Variants in KDM4B observed in about 807,000 individuals in gnomAD.
KDM4B encodes the protein lysine-specific demethylase 4B.
A neutral mutation model predicts 125.2 loss-of-function variants in KDM4B; 32 were observed. That is an observed-to-expected ratio of 0.26 (90% CI 0.19 to 0.34). The LOEUF is 0.34. KDM4B is among the 10% of genes least tolerant of loss of function. The pLI, the probability that KDM4B is intolerant of heterozygous loss-of-function variation, is 1.00. For missense variants in KDM4B, 1,190 were observed against 1,577.7 expected (o/e 0.75, Z 4.16); for synonymous variants, 721 against 677.9 (o/e 1.06, Z -0.99).
At chr19:5,128,993 G>A (rs2039498326) in intron 11 of KDM4B, among the ~76,000 whole-genome samples, 1 of 152,164 alleles carries the variant, frequency 6.6e-6, no homozygotes, top group African/African-American at 2.4e-5. Flanking sequence ...GAGGAGCCCG[G>A]CCAGTGCCCC....
chr19:5,000,287 A>G (rs964690876), intron 1 of KDM4B, among the ~76,000 whole-genome samples: 4 of 143,410 alleles, frequency 2.8e-5, no homozygotes, highest in Admixed American at 7.1e-5. Context: ...CCATCCATCT[A>G]TTCATTCACC....
chr19:4,988,512 T>A (rs2034923733), intron 1 of KDM4B, among the ~76,000 whole-genome samples: 2 of 152,104 alleles, frequency 1.3e-5, no homozygotes, highest in South Asian at 4.1e-4. Context: ...CCTGACCTCG[T>A]GATCCACCCG....
rs2038292779 is a variant in KDM4B at position 5,081,505 on chromosome 19, C to A, written c.781-862C>A. On this transcript the variant is annotated intron_variant, in intron 8 of 22. Transcript: ENST00000159111. The surrounding 1 kb of genome is among the most constrained non-coding windows in gnomAD (Gnocchi z 4.2). The stretch of plus-strand genomic sequence containing the variant: ...AGACCTTGGGGTGGCTGTTGGGAAA[C>A]CTTGGGTCTGGGGTCATTGTGGGCC... Among the ~76,000 whole-genome samples the A allele has an allele frequency of 6.6e-6, 1 of 152,126 alleles. No individual in the cohort carries two copies. Among genetic ancestry groups the A allele is most frequent in the Admixed American group, 6.5e-5 (1 of 15,272 alleles).
chr19:5,098,410 C>T (rs1035340933), intron 9 of KDM4B, among the ~76,000 whole-genome samples: 2 of 152,106 alleles, frequency 1.3e-5, no homozygotes, highest in Non-Finnish European at 2.9e-5. Flanking sequence ...GAATTCAGAC[C>T]GGAGAACAGC....
At chr19:4,986,864 C>T (rs544030112) in intron 1 of KDM4B, among the ~76,000 whole-genome samples, 3 of 152,218 alleles carry the variant, frequency 2.0e-5, no homozygotes, top group East Asian at 1.9e-4. Flanking sequence ...GCACAGAGGC[C>T]GGAGCAGCAG....
At chr19:5,036,866 C>T (rs2036643252) in intron 3 of KDM4B, among the ~76,000 whole-genome samples, 1 of 152,230 alleles carries the variant, frequency 6.6e-6, no homozygotes, top group Non-Finnish European at 1.5e-5. Flanking sequence ...CCAGAGCCTT[C>T]GGGTTTGAGC....
chr19:4,982,429 G>A (rs2034673828), intron 1 of KDM4B, among the ~76,000 whole-genome samples: 2 of 137,616 alleles, frequency 1.5e-5, no homozygotes, highest in African/African-American at 5.6e-5. Flanking sequence ...TCCAGCCTGG[G>A]TGACAAGAGC....
rs1023273242 is a variant in KDM4B, at chr19:5,138,044, G to T, written c.2524G>T (p.Ala842Ser). Residue 842 changes from alanine (A) to serine (S), a missense_variant, in exon 18 of 23, where the codon GCC becomes TCC. Physicochemically the swap from Ala to Ser is moderately conservative, Grantham distance 99. Transcript: ENST00000159111. ...VIERHPVDISAIPEQRWKLKC... is the reference protein window; with the variant it reads ...VIERHPVDISSIPEQRWKLKC... ...TGAGCGCCACCCTGTGGACATCAGC[G>T]CCATCCCCGAGCAGCGGTGGAAGCT... is the stretch of plus-strand genomic sequence containing the variant. The T allele has an allele frequency of 1.9e-6, 3 of 1,612,414 alleles. No individual in the cohort carries two copies. The highest frequency in any genetic ancestry group is 1.1e-5 in the South Asian group (1 of 90,976).
intron 9 of KDM4B, among the ~76,000 whole-genome samples, chr19:5,097,794 A>G (rs1047766511): frequency 2.6e-5 from 4 of 152,280 alleles, no homozygotes; most frequent in African/African-American, 7.2e-5. Flanking sequence ...CAGAAAGTCT[A>G]TGAGTTCTGT....
At chr19:5,124,311 C>T (rs1198538713) in intron 11 of KDM4B, among the ~76,000 whole-genome samples, 1 of 152,052 alleles carries the variant, frequency 6.6e-6, no homozygotes, top group East Asian at 1.9e-4. Flanking sequence ...TGGGGGAAAT[C>T]GGGCAGGCTG....
chr19:5,150,232 CATG>C (rs2039922367), intron 21 of KDM4B, 123 bp from the exon 22 acceptor site: 1 of 647,240 alleles, frequency 1.5e-6, no homozygotes, highest in South Asian at 1.9e-5. Context: ...AGCTTGGCTG[CATG>C]TGGCCTCTAG....
At chr19:5,090,247 C>T (rs968908937) in intron 9 of KDM4B, among the ~76,000 whole-genome samples, 3 of 152,032 alleles carry the variant, frequency 2.0e-5, no homozygotes, top group African/African-American at 4.8e-5. Context: ...CCACACACCT[C>T]GCTGCATGCC....
At chr19:5,029,201 G>A (rs1001378332) in intron 2 of KDM4B, among the ~76,000 whole-genome samples, 13 of 152,212 alleles carry the variant, frequency 8.5e-5, no homozygotes, top group African/African-American at 2.9e-4. Context: ...ATGAGCCACC[G>A]CGCCCACCAG....
At position 5,102,786 on chromosome 19, in the gene KDM4B, C is replaced by T. The variant is rs143341315; in HGVS notation, c.919-7836C>T. Among the ~76,000 whole-genome samples the T allele has an allele frequency of 3.3e-3, 510 of 152,292 alleles. 6 individuals are homozygous for T. The highest frequency in any genetic ancestry group is 0.012 in the African/African-American group (490 of 41,552). ...CTGGTCCACTGTGGCCTGTGGATGC[C>T]GCCCCTGACGTCAGCATCTCTCTCT... is the stretch of plus-strand genomic sequence containing the variant. On this transcript the variant is annotated intron_variant, in intron 9 of 22. Transcript: ENST00000159111.
rs2034333569 is a variant in KDM4B at position 4,973,540 on chromosome 19, T to C, written c.-109+4310T>C. Among the ~76,000 whole-genome samples the C allele has an allele frequency of 2.0e-5, 3 of 152,232 alleles. No individual in the cohort carries two copies. In the South Asian group the frequency reaches 6.2e-4, roughly 32 times the overall value. The stretch of plus-strand genomic sequence containing the variant: ...CGTTCAAATGAGCTTAACCACTATA[T>C]TAAAAAAAAGAAAATTTGTATCTTC... On this transcript the variant is annotated intron_variant, in intron 1 of 22. Transcript: ENST00000159111.
chr19:4,998,087 G>C (rs2035258749), intron 1 of KDM4B, among the ~76,000 whole-genome samples: 1 of 152,226 alleles, frequency 6.6e-6, no homozygotes, highest in African/African-American at 2.4e-5. Flanking sequence ...GACTGGGTGG[G>C]AGCCTGCTTG....
At chr19:5,079,456 G>T (rs970083908) in intron 8 of KDM4B, among the ~76,000 whole-genome samples, 2 of 152,296 alleles carry the variant, frequency 1.3e-5, no homozygotes, top group Middle Eastern at 3.4e-3. Flanking sequence ...CTAGGCCTTG[G>T]TTCATAGGAG....
At chr19:5,041,788 C>G (rs1417134345) in intron 5 of KDM4B, among the ~76,000 whole-genome samples, 1 of 152,232 alleles carries the variant, frequency 6.6e-6, no homozygotes, top group Admixed American at 6.5e-5. Flanking sequence ...GGCATAAGGT[C>G]CCCCAGGCCC....
At chr19:5,054,296 G>T (rs770485532) in intron 6 of KDM4B, among the ~76,000 whole-genome samples, 1 of 152,154 alleles carries the variant, frequency 6.6e-6, no homozygotes, top group African/African-American at 2.4e-5. Context: ...GCCTGGGCTG[G>T]TCTCGAACTC....
Sources: gnomAD v4.1 joint callset for allele counts (sites outside exome capture counted in the v4.1 genomes callset) on GRCh38, gnomAD v4.1.1 for gene constraint, Gnocchi (gnomAD v3.1) non-coding constraint, MANE v1.5 for transcripts, NCBI Gene and HGNC (gene_info 2026-07-23, HGNC 2026-07-21) for gene names.